The following XKRX variants were observed in gnomAD, a reference collection of about 807,000 sequenced individuals.
XKRX encodes the protein XK-related protein 2.
A neutral mutation model predicts 22.4 loss-of-function variants in XKRX; 11 were observed. That is an observed-to-expected ratio of 0.49 (90% CI 0.31 to 0.81). The LOEUF is 0.81. Ranked by LOEUF, XKRX falls within the 40% of genes least tolerant of loss-of-function variation. The pLI is 0.05. For synonymous variants in XKRX, 114 were observed against 132.2 expected (o/e 0.86, Z 0.94); for missense variants, 320 against 336.5 (o/e 0.95, Z 0.38).
chrX:100,891,188 T>C, the XKRX span, among the ~76,000 whole-genome samples: 1 of 111,521 alleles, frequency 9.0e-6, no homozygotes, highest in East Asian at 2.8e-4. Context: ...GTGATGATTA[T>C]AGACCTGCTC....
rs772549663 is a variant in XKRX at position 100,921,450 on chromosome X, C to T, written c.604+1343G>A. Among the ~76,000 whole-genome samples the T allele has an allele frequency of 3.5e-3, 392 of 111,857 alleles. 2 individuals carry two copies. Among genetic ancestry groups the T allele is most frequent in the Non-Finnish European group, 4.1e-3 (218 of 53,226 alleles). On this transcript the variant is annotated intron_variant, in intron 2 of 2. Coordinates refer to ENST00000372956, the MANE Select transcript of XKRX (RefSeq NM_212559.3). ...AAAAGCTTCAAGACCAACAGAACTT[C>T]AAGAACAATTCTGAGTGGGGAAAAA...
chrX:100,957,265 T>C, the XKRX span: 36 of 994,158 alleles, frequency 3.6e-5, no homozygotes, highest in African/African-American at 5.9e-4. Flanking sequence ...GACATGGAAG[T>C]GAAAGGTTGG....
the XKRX span, chrX:100,957,252 T>G: frequency 7.1e-6 from 7 of 983,487 alleles, no homozygotes; most frequent in Non-Finnish European, 1.0e-5. Flanking sequence ...CATTGGTAGA[T>G]TTGACATGGA....
At chrX:100,916,943 A>G (rs2085439102) in intron 2 of XKRX, among the ~76,000 whole-genome samples, 1 of 110,443 alleles carries the variant, frequency 9.1e-6, no homozygotes, top group East Asian at 2.8e-4. Flanking sequence ...ACATGATGAA[A>G]CCCCATCTCC....
chrX:100,931,167 A>C (rs1404617363), upstream of XKRX, among the ~76,000 whole-genome samples: 2 of 109,571 alleles, frequency 1.8e-5, no homozygotes, highest in African/African-American at 6.7e-5. Flanking sequence ...AAAAAAAAAA[A>C]ACATGGGAGA....
chrX:100,954,690 A>G, the XKRX span, among the ~76,000 whole-genome samples: 1 of 112,574 alleles, frequency 8.9e-6, no homozygotes, highest in African/African-American at 3.2e-5. Flanking sequence ...ATAAATGAAT[A>G]AACATAATGT....
the XKRX span, among the ~76,000 whole-genome samples, chrX:100,945,054 G>T: frequency 9.0e-6 from 1 of 110,524 alleles, no homozygotes; most frequent in Admixed American, 9.7e-5. Flanking sequence ...ATGGTTTATA[G>T]TATTGCTTCT....
the XKRX span, among the ~76,000 whole-genome samples, chrX:100,959,261 A>G: frequency 8.9e-6 from 1 of 111,959 alleles, no homozygotes; most frequent in Non-Finnish European, 1.9e-5. Flanking sequence ...AAATGTTACT[A>G]TGTTTTTGAC....
chrX:100,888,598 A>C, the XKRX span: 1 of 449,903 alleles, frequency 2.2e-6, no homozygotes, highest in South Asian at 3.8e-5. Flanking sequence ...ACACGACGGA[A>C]GGGAGAAGAG....
At chrX:100,948,322 T>A in the XKRX span, among the ~76,000 whole-genome samples, 1 of 111,886 alleles carries the variant, frequency 8.9e-6, no homozygotes, top group African/African-American at 3.3e-5. Flanking sequence ...AGTATCTTTT[T>A]AAAAAAATCA....
At chrX:100,957,409 G>C in the XKRX span, 3 of 1,206,124 alleles carry the variant, frequency 2.5e-6, no homozygotes, top group Non-Finnish European at 3.4e-6. Flanking sequence ...GAGCAGTACC[G>C]CATGTGCATC....
chrX:100,901,591 A>G, the XKRX span, among the ~76,000 whole-genome samples: 2 of 112,246 alleles, frequency 1.8e-5, no homozygotes, highest in Non-Finnish European at 3.8e-5. Context: ...AGTAAGATAC[A>G]GATGACCTTA....
intron 1 of XKRX, among the ~76,000 whole-genome samples, chrX:100,924,663 G>A (rs1027115814): frequency 6.2e-5 from 7 of 112,287 alleles, no homozygotes; most frequent in African/African-American, 9.7e-5. Flanking sequence ...TCTTGCCCAA[G>A]AGACTGAGGT....
chrX:100,887,956 C>T, the XKRX span: 3 of 1,087,116 alleles, frequency 2.8e-6, no homozygotes, highest in African/African-American at 1.8e-5. Flanking sequence ...CCAAAGTTGT[C>T]ATTCCCACAG....
upstream of XKRX, among the ~76,000 whole-genome samples, chrX:100,931,873 A>G (rs994057371): frequency 8.9e-6 from 1 of 111,767 alleles, no homozygotes; most frequent in Admixed American, 9.5e-5. Context: ...TTCAGCCATC[A>G]GCTCACAGAG....
the XKRX span, chrX:100,957,255 G>C: frequency 4.1e-6 from 4 of 981,137 alleles, no homozygotes; most frequent in Non-Finnish European, 5.8e-6. Context: ...TGGTAGATTT[G>C]ACATGGAAGT....
chrX:100,951,438 C>A, the XKRX span, among the ~76,000 whole-genome samples: 1 of 79,449 alleles, frequency 1.3e-5, no homozygotes, highest in Admixed American at 1.9e-4. Context: ...AAAGAGAATC[C>A]CCCGGGGGTG....
chrX:100,891,371 C>G, the XKRX span, among the ~76,000 whole-genome samples: 1 of 110,517 alleles, frequency 9.0e-6, no homozygotes, highest in Non-Finnish European at 1.9e-5. Context: ...ACAAAAGGCA[C>G]AGAATAGCCA....
chrX:100,913,792 G>A lies in XKRX; in HGVS notation c.*546C>T, dbSNP rs937865008. 1 of 114,098 alleles carries A rather than the reference G, an allele frequency of 8.8e-6. No homozygotes were observed. The allele number at this position is 114,098 out of a possible 1,213,427, so 9.4% of individuals were successfully genotyped here. A position where few individuals can be genotyped will look rare whatever the true frequency, so the allele number is the denominator to read the frequency against. ...CTAACAGAGAGCTAATCTGCTTGGG[G>A]AGCAGCTTTTTTAATAGTGGTGATT... On this transcript the variant is annotated 3_prime_UTR_variant, in exon 3 of 3. Coordinates refer to ENST00000372956, the MANE Select transcript of XKRX (RefSeq NM_212559.3).
Sources: gnomAD v4.1 joint callset for allele counts (sites outside exome capture counted in the v4.1 genomes callset) on GRCh38, gnomAD v4.1.1 for gene constraint, MANE v1.5 for transcripts, NCBI Gene and HGNC (gene_info 2026-07-23, HGNC 2026-07-21) for gene names.